Variants in BMPR1B observed in about 807,000 individuals in gnomAD.
BMPR1B encodes the protein bone morphogenetic protein receptor type 1B, also known as bone morphogenetic protein receptor type-1B.
BMPR1B carries 12 observed loss-of-function variants against 59.1 expected under a neutral mutation model. The observed-to-expected ratio is 0.20, with a 90% CI of 0.13 to 0.33. The LOEUF (loss-of-function observed/expected upper bound fraction) is 0.33, where lower values mean the gene tolerates loss of function less well. BMPR1B is among the 10% of genes least tolerant of loss of function. The pLI is 1.00. For missense variants in BMPR1B, 550 were observed against 610.9 expected (o/e 0.90, Z 1.05); for synonymous variants, 237 against 207.3 (o/e 1.14, Z -1.23).
At chr4:94,968,971 C>CT (rs1308442441) in intron 2 of BMPR1B, among the ~76,000 whole-genome samples, 1 of 151,888 alleles carries the variant, frequency 6.6e-6, no homozygotes, top group Non-Finnish European at 1.5e-5. Flanking sequence ...TACCCTGTTC[C>CT]TTTTTTGGTG....
At chr4:94,850,290 G>A (rs1370713311) in intron 1 of BMPR1B, among the ~76,000 whole-genome samples, 9 of 150,650 alleles carry the variant, frequency 6.0e-5, no homozygotes, top group South Asian at 2.1e-4. Flanking sequence ...AAAAAAAAAT[G>A]TATAGCATTG....
Position 95,053,281 on chromosome 4 carries a change from T to TTGTGTGTGTGTGTGTGTGTGTG in BMPR1B, c.-17-51106_-17-51085dup, listed in dbSNP as rs60404669. Among the ~76,000 whole-genome samples the TTGTGTGTGTGTGTGTGTGTGTG allele has an allele frequency of 3.9e-3, 528 of 134,294 alleles. 9 individuals are homozygous for TTGTGTGTGTGTGTGTGTGTGTG. The highest frequency in any genetic ancestry group is 5.4e-3 in the Non-Finnish European group (342 of 62,864). The allele number at this position is 134,294 out of a possible 152,430, so 88.1% of individuals were successfully genotyped here. ...TTAAAAAGCTCCCTTTGCAGGGCAC[T>TTGTGTGTGTGTGTGTGTGTGTG]TGTGTGTGTGTGTGTGTGTGTGTGT... On this transcript the variant is annotated intron_variant, in intron 3 of 12. Transcript: ENST00000515059.
rs1394503432 is a variant in BMPR1B at position 95,154,615 on chromosome 4, C to T, written c.1451C>T (p.Ala484Val). The T allele has an allele frequency of 3.1e-6, 5 of 1,613,930 alleles. No individual in the cohort carries two copies. The highest frequency in any genetic ancestry group is 4.2e-6 in the Non-Finnish European group (5 of 1,179,980). ...WAHNPASRLT[A>V]LRVKKTLAKM... ...CACAATCCTGCATCAAGGCTGACAGCCCTGCGGGTTAAGAAAACACTTGCC... is the reference window on the plus strand; with the variant it reads ...CACAATCCTGCATCAAGGCTGACAGTCCTGCGGGTTAAGAAAACACTTGCC... Residue 484 changes from alanine to valine, a missense_variant, in exon 13 of 13, where the codon GCC (alanine) becomes GTC (valine). Around this residue, in one of 6 missense-constraint regions of BMPR1B, gnomAD observed 123 missense variants for 164.6 expected, o/e 0.75. Coordinates refer to ENST00000515059, the MANE Select transcript of BMPR1B (RefSeq NM_001203.3).
At chr4:95,059,649 T>C (rs1219839595) in intron 3 of BMPR1B, among the ~76,000 whole-genome samples, 2 of 151,940 alleles carry the variant, frequency 1.3e-5, no homozygotes, top group Middle Eastern at 3.4e-3. Context: ...CAATTTTCTA[T>C]CTTTTTTTGT....
chr4:95,104,211 T>A (rs1731027758), intron 3 of BMPR1B, 197 bp from the exon 4 acceptor site: 2 of 621,374 alleles, frequency 3.2e-6, no homozygotes, highest in Admixed American at 3.0e-5. Context: ...ATTATGGGTC[T>A]TTCTTTATTC....
At chr4:94,856,728 G>A (rs534670130) in intron 1 of BMPR1B, among the ~76,000 whole-genome samples, 10 of 152,286 alleles carry the variant, frequency 6.6e-5, no homozygotes, top group East Asian at 1.9e-4. Flanking sequence ...GGTAGATGCC[G>A]TCATCATTAC....
chr4:95,153,599 G>A (rs368193970), intron 12 of BMPR1B, among the ~76,000 whole-genome samples: 5 of 152,176 alleles, frequency 3.3e-5, no homozygotes, highest in Admixed American at 2.6e-4. Context: ...CTGTAATCCC[G>A]GCACTTTGGC....
intron 1 of BMPR1B, among the ~76,000 whole-genome samples, chr4:94,820,499 G>A (rs1426384339): frequency 1.3e-5 from 2 of 152,142 alleles, no homozygotes; most frequent in Admixed American, 6.5e-5. Context: ...TATGCAGAGT[G>A]TTCCATGGAT....
intron 1 of BMPR1B, among the ~76,000 whole-genome samples, chr4:94,812,245 A>G (rs1254571985): frequency 2.0e-5 from 3 of 152,216 alleles, no homozygotes; most frequent in African/African-American, 7.2e-5. Context: ...GGAAGGAGCA[A>G]CAGCCTAGTA....
chr4:94,932,412 G>A (rs939543785), intron 2 of BMPR1B, among the ~76,000 whole-genome samples: 2 of 152,148 alleles, frequency 1.3e-5, no homozygotes, highest in African/African-American at 4.8e-5. Context: ...TTAGTTTAGG[G>A]AGTAACTGCA....
At chr4:94,811,413 G>GTAGA (rs1451407033) in intron 1 of BMPR1B, among the ~76,000 whole-genome samples, 1 of 152,168 alleles carries the variant, frequency 6.6e-6, no homozygotes, top group African/African-American at 2.4e-5. Context: ...ATCTCATTAG[G>GTAGA]TAGAGCTGAG....
At chr4:95,131,679 CT>C (rs1219239607) in intron 10 of BMPR1B, among the ~76,000 whole-genome samples, 167 bp downstream of exon 10, 1 of 152,146 alleles carries the variant, frequency 6.6e-6, no homozygotes, top group African/African-American at 2.4e-5. Context: ...ATATTTGGGT[CT>C]GTTCTATTGT....
intron 1 of BMPR1B, among the ~76,000 whole-genome samples, chr4:94,873,173 T>C (rs570947391): frequency 3.2e-4 from 49 of 152,298 alleles, no homozygotes; most frequent in Admixed American, 7.2e-4. Context: ...AGAGCTTTAC[T>C]TGTTCTGTCA....
chr4:95,090,591 C>A (rs1422072355), intron 3 of BMPR1B, among the ~76,000 whole-genome samples: 1 of 152,044 alleles, frequency 6.6e-6, no homozygotes, highest in African/African-American at 2.4e-5. Flanking sequence ...TTATGCCACA[C>A]TCTCCAAATA....
chr4:94,889,565 A>G (rs1405881422), intron 2 of BMPR1B, among the ~76,000 whole-genome samples: 1 of 152,098 alleles, frequency 6.6e-6, no homozygotes, highest in Non-Finnish European at 1.5e-5. Context: ...CTTTGTTTTG[A>G]TATGAGCGGA....
intron 1 of BMPR1B, among the ~76,000 whole-genome samples, chr4:94,786,162 A>C (rs752363623): frequency 6.6e-5 from 10 of 152,200 alleles, no homozygotes; most frequent in Non-Finnish European, 1.2e-4. Context: ...GGACATGGGA[A>C]GATGAGAGGG....
intron 2 of BMPR1B, among the ~76,000 whole-genome samples, chr4:94,915,231 A>G (rs1328366269): frequency 6.6e-6 from 1 of 152,170 alleles, no homozygotes; most frequent in Non-Finnish European, 1.5e-5. Flanking sequence ...TTTCATTACC[A>G]TTGATTATTT....
intron 1 of BMPR1B, among the ~76,000 whole-genome samples, chr4:94,813,830 G>C (rs530857193): frequency 2.6e-4 from 39 of 152,254 alleles, no homozygotes; most frequent in African/African-American, 8.2e-4. Context: ...TGGATTGGTG[G>C]ATATGTGGCA....
chr4:95,098,907 G>T (rs899133921), intron 3 of BMPR1B, among the ~76,000 whole-genome samples: 6 of 151,998 alleles, frequency 3.9e-5, no homozygotes, highest in African/African-American at 1.4e-4. Flanking sequence ...TAGTAGAGAC[G>T]TGGTTTCACC....
Sources: gnomAD v4.1 joint callset for allele counts (sites outside exome capture counted in the v4.1 genomes callset) on GRCh38, gnomAD v4.1.1 for gene constraint, gnomAD v4.1.1 regional missense constraint, MANE v1.5 for transcripts, NCBI Gene and HGNC (gene_info 2026-07-23, HGNC 2026-07-21) for gene names.